The following HDAC9 variants were observed in gnomAD, a reference collection of about 807,000 sequenced individuals.
HDAC9 encodes MEF-2 interacting transcription repressor (MITR) protein.
Under a neutral mutation model 139.4 loss-of-function variants are expected in HDAC9, and 41 were observed. That is an observed-to-expected ratio of 0.29 (90% confidence interval 0.23 to 0.38). The LOEUF (loss-of-function observed/expected upper bound fraction) is 0.38, where lower values mean the gene tolerates loss of function less well. HDAC9 is among the 10% of genes least tolerant of loss of function. The pLI is 1.00. For missense variants in HDAC9, 1,147 were observed against 1,297.0 expected (o/e 0.88, Z 1.78); for synonymous variants, 517 against 476.2 (o/e 1.09, Z -1.12).
At chr7:18,869,147 G>GGGGTGTGTGTGTGTGT (rs869054896) in intron 21 of HDAC9, among the ~76,000 whole-genome samples, 2 of 138,128 alleles carry the variant, frequency 1.4e-5, no homozygotes, top group African/African-American at 5.5e-5. Flanking sequence ...TCACAATTGG[G>GGGGTGTGTGTGTGTGT]GTGTGTGTGT....
intron 2 of HDAC9, among the ~76,000 whole-genome samples, chr7:18,207,514 C>G (rs1029036882): frequency 1.5e-5 from 2 of 132,560 alleles, no homozygotes. Flanking sequence ...TCAAGCTGTC[C>G]TCTCACCTCA....
intron 2 of HDAC9, among the ~76,000 whole-genome samples, chr7:18,172,801 C>T (rs894035589): frequency 1.3e-5 from 2 of 152,202 alleles, no homozygotes; most frequent in Non-Finnish European, 2.9e-5. Context: ...TTTGATTGCA[C>T]TGTGGTCTGA....
intron 25 of HDAC9, among the ~76,000 whole-genome samples, chr7:18,986,678 G>T (rs192811707): frequency 0.044 from 6,749 of 152,154 alleles, 209 homozygotes; most frequent in Non-Finnish European, 0.071. Context: ...GCCATTTTCA[G>T]AAGATTGATT....
intron 1 of HDAC9, chr7:18,290,547 A>G (rs1797738175): frequency 6.6e-6 from 3 of 456,534 alleles, no homozygotes; most frequent in Admixed American, 4.7e-5. Context: ...TTTTAAGAGA[A>G]CTGTGAAAAA....
chr7:18,932,859 A>AGAAAGAAAGAAAGAAAGAAAGAAAGAAAG (rs1041527209), intron 22 of HDAC9, among the ~76,000 whole-genome samples: 1 of 150,940 alleles, frequency 6.6e-6, no homozygotes, highest in African/African-American at 2.5e-5. Flanking sequence ...AAAGAAAGAA[A>AGAAAGAAAGAAAGAAAGAAAGAAAGAAAG]GAAAGAAAGA....
intron 22 of HDAC9, among the ~76,000 whole-genome samples, chr7:18,902,075 G>T (rs1801776107): frequency 6.6e-6 from 1 of 152,196 alleles, no homozygotes; most frequent in South Asian, 2.1e-4. Flanking sequence ...TACCCTCACA[G>T]GCAACTGTTG....
chr7:18,568,702 G>T (rs1563313495), intron 2 of HDAC9, among the ~76,000 whole-genome samples: 1 of 152,072 alleles, frequency 6.6e-6, no homozygotes, highest in African/African-American at 2.4e-5. Context: ...AACCATTATA[G>T]CAGAGAGGTA....
chr7:18,180,263 A>ACACACACACACCCC (rs1789309548), intron 2 of HDAC9, among the ~76,000 whole-genome samples: 2 of 149,542 alleles, frequency 1.3e-5, no homozygotes, highest in Admixed American at 6.6e-5. Flanking sequence ...ACACACACAC[A>ACACACACACACCCC]CACACACACA....
At chr7:18,657,580 G>T (rs1306993453) in intron 11 of HDAC9, among the ~76,000 whole-genome samples, 1 of 152,114 alleles carries the variant, frequency 6.6e-6, no homozygotes, top group African/African-American at 2.4e-5. Flanking sequence ...ATAAAATTAT[G>T]CAGTGCTATA....
intron 2 of HDAC9, among the ~76,000 whole-genome samples, chr7:18,556,425 C>T (rs1411711797): frequency 6.6e-6 from 1 of 152,040 alleles, no homozygotes; most frequent in Non-Finnish European, 1.5e-5. Context: ...TAGGAAACAA[C>T]ACCTAAAATT....
chr7:18,360,262 TC>T (rs554698369), intron 1 of HDAC9, among the ~76,000 whole-genome samples: 80 of 152,358 alleles, frequency 5.3e-4, no homozygotes, highest in Non-Finnish European at 1.0e-3. Flanking sequence ...TGGATGGACT[TC>T]CTTTGTGCCA....
chr7:18,947,377 A>C (rs532689307), intron 23 of HDAC9, among the ~76,000 whole-genome samples: 2 of 152,038 alleles, frequency 1.3e-5, no homozygotes, highest in East Asian at 3.9e-4. Flanking sequence ...AACAAAGAAA[A>C]AGCATGCATG....
chr7:18,956,594 A>G (rs571865383), intron 24 of HDAC9, among the ~76,000 whole-genome samples: 79 of 152,272 alleles, frequency 5.2e-4, no homozygotes, highest in African/African-American at 1.9e-3. Context: ...AGTCAAGGAT[A>G]TATGGTGTAG....
intron 2 of HDAC9, among the ~76,000 whole-genome samples, chr7:18,507,710 C>A (rs1371435555): frequency 6.6e-6 from 1 of 152,068 alleles, no homozygotes; most frequent in East Asian, 1.9e-4. Flanking sequence ...AGGCTGGTCT[C>A]GATCTCTCGA....
chr7:18,894,232 C>T lies in HDAC9; in HGVS notation c.2803+19636C>T, dbSNP rs73067953. Among the ~76,000 whole-genome samples the T allele has an allele frequency of 1.2e-3, 188 of 152,174 alleles. 2 individuals carry two copies. Among genetic ancestry groups the T allele is most frequent in the South Asian group, 4.6e-3 (22 of 4,822 alleles). ...AATTTAGTTGTTATCAGCATATAGA[C>T]GCTATTTAAAGCCGTAAGCCCAGAT... On this transcript the variant is annotated intron_variant, in intron 22 of 25. Coordinates refer to ENST00000686413, the MANE Select transcript of HDAC9 (RefSeq NM_178425.4).
chr7:18,336,953 G>T (rs558753687), intron 1 of HDAC9, among the ~76,000 whole-genome samples: 1 of 151,588 alleles, frequency 6.6e-6, no homozygotes, highest in East Asian at 1.9e-4. Flanking sequence ...TTAAAGAAGC[G>T]TATAATTAAA....
At chr7:18,595,643 G>A (rs1360058961) in intron 6 of HDAC9, among the ~76,000 whole-genome samples, 1 of 152,022 alleles carries the variant, frequency 6.6e-6, no homozygotes, top group Admixed American at 6.6e-5. Context: ...GGAGGTTACT[G>A]ATGAGTGATA....
chr7:18,750,520 A>G (rs1251410547), intron 14 of HDAC9, among the ~76,000 whole-genome samples: 2 of 152,194 alleles, frequency 1.3e-5, no homozygotes, highest in African/African-American at 2.4e-5. Context: ...TAGAAACCCC[A>G]AAGTGAAGGA....
chr7:18,968,666 G>T (rs995595435), intron 24 of HDAC9, among the ~76,000 whole-genome samples: 1 of 152,016 alleles, frequency 6.6e-6, no homozygotes, highest in South Asian at 2.1e-4. Flanking sequence ...CAAAGTTACA[G>T]AATCACTTTA....
Sources: gnomAD v4.1 joint callset for allele counts (sites outside exome capture counted in the v4.1 genomes callset) on GRCh38, gnomAD v4.1.1 for gene constraint, MANE v1.5 for transcripts, NCBI Gene and HGNC (gene_info 2026-07-23, HGNC 2026-07-21) for gene names.